PRPF3: variants seen among roughly 807,000 people sequenced by gnomAD.
PRPF3 encodes pre-mRNA processing factor 3.
In PRPF3, 3 loss-of-function variants were observed where a neutral mutation model predicts 89.2. The ratio of observed to expected loss-of-function variants is 0.03; its 90% CI spans 0.02 to 0.09. PRPF3 has a LOEUF of 0.09. PRPF3 is among the 10% of genes least tolerant of loss of function. The pLI, the probability that PRPF3 is intolerant of heterozygous loss-of-function variation, is 1.00. For missense variants in PRPF3, 463 were observed against 828.8 expected (o/e 0.56, Z 5.42); for synonymous variants, 270 against 289.1 (o/e 0.93, Z 0.67).
At chr1:150,343,510 C>T in intron 10 of PRPF3, 58 bp downstream of exon 10, 2 of 1,589,518 alleles carry the variant, frequency 1.3e-6, no homozygotes, top group Middle Eastern at 1.7e-4. Flanking sequence ...GTCTTTAATC[C>T]TGGAGGAACT....
In PRPF3 at chr1:150,333,202, G is replaced by A; in HGVS notation, c.728+3G>A. 1 of 1,613,752 alleles carries A rather than the reference G, an allele frequency of 6.2e-7. No individual in the cohort carries two copies. Among genetic ancestry groups the A allele is most frequent in the Non-Finnish European group, 8.5e-7 (1 of 1,179,692 alleles). On this transcript the variant is annotated splice_donor_region_variant and intron_variant, in intron 6 of 15. Transcript: ENST00000324862. ...CATGCCATGGGCATTGCTCCCCCGT[G>A]AGTGTCTATTTCATGGAATACCTTT...
chr1:150,349,115 C>T, intron 14 of PRPF3, 42 bp from the exon 15 acceptor site: 2 of 1,502,836 alleles, frequency 1.3e-6, no homozygotes, highest in Non-Finnish European at 1.9e-6. Flanking sequence ...TGTTTAGAAC[C>T]TGAATCTCAA....
At chr1:150,328,024 G>T in intron 3 of PRPF3, 1 of 390,034 alleles carries the variant, frequency 2.6e-6, no homozygotes, top group African/African-American at 2.0e-5. Context: ...TGGAACAGGG[G>T]TTGTGGAAAA....
intron 15 of PRPF3, among the ~76,000 whole-genome samples, chr1:150,352,394 G>A (rs1033225033): frequency 2.0e-5 from 3 of 152,200 alleles, no homozygotes; most frequent in African/African-American, 7.2e-5. Flanking sequence ...GGCCGGGCGC[G>A]GTGGCTCACG....
chr1:150,338,798 AGCCAC>A (rs1657337761), intron 8 of PRPF3, among the ~76,000 whole-genome samples: 1 of 152,132 alleles, frequency 6.6e-6, no homozygotes, highest in Admixed American at 6.6e-5. Context: ...TACAGGCGTG[AGCCAC>A]TGCACCTGGC....
intron 4 of PRPF3, among the ~76,000 whole-genome samples, chr1:150,329,091 G>A (rs880001818): frequency 6.8e-6 from 1 of 147,594 alleles, no homozygotes; most frequent in Non-Finnish European, 1.5e-5. Flanking sequence ...GTGTAGTGGC[G>A]TGATCTCAGC....
At chr1:150,349,266 ATATT>A in intron 15 of PRPF3, 48 bp downstream of exon 15, 1 of 1,319,966 alleles carries the variant, frequency 7.6e-7, no homozygotes, top group Non-Finnish European at 1.1e-6. Context: ...CAACTCCTGA[ATATT>A]TATACTATTT....
upstream of PRPF3, chr1:150,321,496 G>C (rs1194774122): frequency 6.5e-6 from 1 of 152,818 alleles, no homozygotes; most frequent in African/African-American, 2.4e-5. Context: ...GCGTGGCGGC[G>C]GCGGTGGCGG....
chr1:150,351,451 TTTG>T (rs1371967859), intron 15 of PRPF3, among the ~76,000 whole-genome samples: 1 of 152,070 alleles, frequency 6.6e-6, no homozygotes. Context: ...AACCATAGTA[TTTG>T]TTCTCTGTTT....
intron 13 of PRPF3, 60 bp from the exon 14 acceptor site, chr1:150,346,348 G>A (rs1361471629): frequency 6.6e-7 from 1 of 1,513,996 alleles, no homozygotes; most frequent in African/African-American, 1.4e-5. Context: ...TGAGCTCAGA[G>A]GTTCTTTCTA....
At chr1:150,335,544 C>G (rs1235450582) in intron 7 of PRPF3, among the ~76,000 whole-genome samples, 1 of 152,170 alleles carries the variant, frequency 6.6e-6, no homozygotes, top group Non-Finnish European at 1.5e-5. Context: ...CGGCTTGCTG[C>G]AACCTTTGCC....
chr1:150,327,862 AAC>A (rs1655896366), intron 3 of PRPF3: 1 of 174,930 alleles, frequency 5.7e-6, no homozygotes, highest in Non-Finnish European at 1.2e-5. Context: ...TGAAATACTT[AAC>A]ACTTGGCAAA....
intron 1 of PRPF3, among the ~76,000 whole-genome samples, chr1:150,323,317 C>G (rs1346887873): frequency 1.3e-5 from 2 of 150,462 alleles, no homozygotes; most frequent in Non-Finnish European, 2.9e-5. Context: ...GCTGGGATTA[C>G]AGGTGCCCAC....
In PRPF3 at chr1:150,325,830, C is replaced by T; in HGVS notation, c.225C>T (p.Ser75=). The T allele has an allele frequency of 6.2e-7, 1 of 1,613,802 alleles. No individual in the cohort carries two copies. ...KLFEAVEEGR[S]SRHSKSSSDR... ...TTGAGGCTGTGGAGGAAGGCCGAAG[C>T]TCTAGGCATTCCAAGTCTAGCAGTG... Residue 75 remains serine, a synonymous_variant, in exon 3 of 16, where the codon AGC becomes AGT. Coordinates refer to ENST00000324862, the MANE Select transcript of PRPF3 (RefSeq NM_004698.4).
At chr1:150,349,103 T>C (rs1658629049) in intron 14 of PRPF3, 54 bp from the exon 15 acceptor site, 6 of 1,403,576 alleles carry the variant, frequency 4.3e-6, no homozygotes, top group African/African-American at 1.4e-5. Flanking sequence ...TTGAATATTA[T>C]TTGTTTAGAA....
At chr1:150,333,859 A>AT (rs1382086717) in intron 6 of PRPF3, among the ~76,000 whole-genome samples, 8 of 152,010 alleles carry the variant, frequency 5.3e-5, no homozygotes, top group South Asian at 2.1e-4. Context: ...AAGATGTTAC[A>AT]TTTTTTTTAG....
At chr1:150,327,043 A>G (rs1291728609) in intron 3 of PRPF3, among the ~76,000 whole-genome samples, 1 of 150,754 alleles carries the variant, frequency 6.6e-6, no homozygotes, top group African/African-American at 2.4e-5. Context: ...AGATTATGTC[A>G]CGATAGGGCA....
At chr1:150,341,772 C>T (rs1220559398) in intron 9 of PRPF3, among the ~76,000 whole-genome samples, 10 of 148,094 alleles carry the variant, frequency 6.8e-5, no homozygotes, top group African/African-American at 2.3e-4. Context: ...GCACTATCTC[C>T]GTTCACTGCA....
intron 7 of PRPF3, among the ~76,000 whole-genome samples, chr1:150,337,719 A>G (rs944229448): frequency 6.0e-5 from 9 of 148,916 alleles, no homozygotes; most frequent in African/African-American, 2.2e-4. Context: ...TGGAGCTTAC[A>G]CTGCACTGCA....
Sources: allele counts gnomAD v4.1 joint callset (sites outside exome capture counted in the v4.1 genomes callset), GRCh38; gene constraint gnomAD v4.1.1; transcripts MANE v1.5; gene names NCBI Gene and HGNC (gene_info 2026-07-23, HGNC 2026-07-21).